PPTC7: variants seen among roughly 807,000 people sequenced by gnomAD.
PPTC7 encodes the protein protein phosphatase PTC7 homolog.
Under a neutral mutation model 30.8 loss-of-function variants are expected in PPTC7, and 6 were observed. The ratio of observed to expected loss-of-function variants is 0.19; its 90% CI spans 0.11 to 0.38. The LOEUF (loss-of-function observed/expected upper bound fraction) is 0.38, where lower values mean the gene tolerates loss of function less well. Among genes scored for constraint, PPTC7 ranks in the 10% least tolerant of loss-of-function variants. The pLI is 1.00. For missense variants in PPTC7, 218 were observed against 404.8 expected (o/e 0.54, Z 3.96); for synonymous variants, 163 against 168.1 (o/e 0.97, Z 0.23).
chr12:110,551,728 G>T, intron 2 of PPTC7, 61 bp downstream of exon 2: 1 of 1,443,438 alleles, frequency 6.9e-7, no homozygotes, highest in Non-Finnish European at 9.5e-7. Context: ...GATTTTCTTG[G>T]TTTTGTTTTT....
At chr12:110,579,931 TA>T (rs2064622876) in intron 1 of PPTC7, among the ~76,000 whole-genome samples, 1 of 151,696 alleles carries the variant, frequency 6.6e-6, no homozygotes, top group Non-Finnish European at 1.5e-5. Context: ...GGGAATCACT[TA>T]AACCCGGGAG....
chr12:110,569,533 C>T (rs953250235), intron 1 of PPTC7, among the ~76,000 whole-genome samples: 12 of 152,088 alleles, frequency 7.9e-5, no homozygotes, highest in Non-Finnish European at 1.8e-4. Context: ...AAGACACAGT[C>T]TCTCTAGAGT....
At chr12:110,540,081 TAAAA>T (rs1234397129) in intron 3 of PPTC7, 136 bp from the exon 4 acceptor site, 3 of 683,404 alleles carry the variant, frequency 4.4e-6, no homozygotes, top group Non-Finnish European at 6.4e-6. Flanking sequence ...AGTCAATTTT[TAAAA>T]AAAGTCATTC....
At chr12:110,563,160 A>G (rs2064453379) in intron 1 of PPTC7, among the ~76,000 whole-genome samples, 1 of 151,722 alleles carries the variant, frequency 6.6e-6, no homozygotes, top group Admixed American at 6.6e-5. Flanking sequence ...AAGAAGAAGA[A>G]AAAAGAAGTT....
At chr12:110,570,997 A>AC (rs1340249315) in intron 1 of PPTC7, among the ~76,000 whole-genome samples, 1 of 152,224 alleles carries the variant, frequency 6.6e-6, no homozygotes, top group Non-Finnish European at 1.5e-5. Context: ...GGGGCAACCC[A>AC]CCCCTACATC....
chr12:110,545,801 A>G, intron 3 of PPTC7, 79 bp downstream of exon 3: 1 of 1,260,774 alleles, frequency 7.9e-7, no homozygotes, highest in Non-Finnish European at 1.2e-6. Context: ...TGCCTACCTC[A>G]CTGCACTCAA....
chr12:110,537,312 AT>A (rs1444757520), intron 5 of PPTC7, among the ~76,000 whole-genome samples: 2 of 152,086 alleles, frequency 1.3e-5, no homozygotes, highest in East Asian at 1.9e-4. Context: ...AAAAAAAAAA[AT>A]CTTCCCTGCT....
intron 1 of PPTC7, among the ~76,000 whole-genome samples, chr12:110,571,055 G>A (rs1259396447): frequency 6.6e-5 from 10 of 152,266 alleles, no homozygotes; most frequent in East Asian, 1.9e-4. Context: ...ACGCTCGAGC[G>A]TGGTCATTGA....
chr12:110,559,912 G>A (rs1217250331), intron 1 of PPTC7, among the ~76,000 whole-genome samples: 1 of 151,906 alleles, frequency 6.6e-6, no homozygotes, highest in Non-Finnish European at 1.5e-5. Flanking sequence ...ATTTTTTGTA[G>A]GGATGGGTCC....
chr12:110,542,661 G>A (rs1398601710), intron 3 of PPTC7, among the ~76,000 whole-genome samples: 9 of 121,750 alleles, frequency 7.4e-5, no homozygotes, highest in Admixed American at 3.1e-4. Flanking sequence ...GCAGCAGAGC[G>A]AGACTCTGTC....
intron 1 of PPTC7, among the ~76,000 whole-genome samples, chr12:110,577,663 C>G (rs2064600977): frequency 1.3e-5 from 2 of 152,168 alleles, no homozygotes; most frequent in Admixed American, 1.3e-4. Flanking sequence ...CGATCAAAAT[C>G]AGATCCAAAG....
chr12:110,581,239 C>T (rs563377448), intron 1 of PPTC7, among the ~76,000 whole-genome samples: 1 of 152,190 alleles, frequency 6.6e-6, no homozygotes, highest in South Asian at 2.1e-4. Context: ...CACAGTGAAA[C>T]CCCATCTCTA....
intron 1 of PPTC7, among the ~76,000 whole-genome samples, chr12:110,571,586 A>G (rs1378062120): frequency 1.3e-5 from 2 of 152,232 alleles, no homozygotes; most frequent in Admixed American, 6.5e-5. Flanking sequence ...ATAAATACTC[A>G]TGTATAGAAT....
chr12:110,572,536 T>C (rs918308969), intron 1 of PPTC7, among the ~76,000 whole-genome samples: 3 of 152,240 alleles, frequency 2.0e-5, no homozygotes, highest in African/African-American at 2.4e-5. Context: ...TGTTAATGAA[T>C]ACGAGAACAG....
intron 2 of PPTC7, among the ~76,000 whole-genome samples, chr12:110,547,639 A>AT (rs1448341169): frequency 3.3e-5 from 5 of 152,152 alleles, no homozygotes; most frequent in African/African-American, 1.2e-4. Flanking sequence ...CTAGAAGTCA[A>AT]TTTTTTTAAA....
At chr12:110,537,894 G>A (rs1243582116) in intron 5 of PPTC7, among the ~76,000 whole-genome samples, 2 of 152,194 alleles carry the variant, frequency 1.3e-5, no homozygotes, top group Non-Finnish European at 2.9e-5. Flanking sequence ...TTGCGGTGGC[G>A]GCAATAAAGG....
At chr12:110,551,552 G>A (rs2064349703) in intron 2 of PPTC7, among the ~76,000 whole-genome samples, 1 of 152,080 alleles carries the variant, frequency 6.6e-6, no homozygotes, top group Non-Finnish European at 1.5e-5. Flanking sequence ...TCTCTATGTT[G>A]GTCAGGCTGG....
chr12:110,534,134 T>G lies in PPTC7; in HGVS notation c.*2903A>C, dbSNP rs2064199370. On this transcript the variant is annotated 3_prime_UTR_variant, in exon 6 of 6. Transcript: ENST00000354300. ...TCTCCATTTGGTAAATTTTTTTTTTTTTTGTGCGCAGGCAGCTTAAGTTCA... is the reference window on the plus strand; with the variant it reads ...TCTCCATTTGGTAAATTTTTTTTTTGTTTGTGCGCAGGCAGCTTAAGTTCA... The G allele has an allele frequency of 6.6e-6, 1 of 152,166 alleles. No homozygotes were observed. Among genetic ancestry groups the G allele is most frequent in the African/African-American group, 2.4e-5 (1 of 41,436 alleles). 9.4% of individuals were successfully genotyped at this position (152,166 alleles called of 1,614,324 possible).
Position 110,560,274 on chromosome 12 carries a change from C to G in PPTC7, c.224-8306G>C, listed in dbSNP as rs180687996. Reference sequence around the variant, plus strand: ...AATCAGCCAGGGATGGTGGCACACACCTGTAGTTCCAGCTAAACAGGAGGC... The same window carrying G: ...AATCAGCCAGGGATGGTGGCACACAGCTGTAGTTCCAGCTAAACAGGAGGC... On this transcript the variant is annotated intron_variant, in intron 1 of 5. Coordinates refer to ENST00000354300, the MANE Select transcript of PPTC7 (RefSeq NM_139283.2). 5.3e-5 allele frequency among the ~76,000 whole-genome samples: 8 copies of G among 152,120 alleles called. 1 individual carries two copies. Among genetic ancestry groups the G allele is most frequent in the Admixed American group, 4.6e-4 (7 of 15,256 alleles).
Sources: allele counts gnomAD v4.1 joint callset (sites outside exome capture counted in the v4.1 genomes callset), GRCh38; gene constraint gnomAD v4.1.1; transcripts MANE v1.5; gene names NCBI Gene and HGNC (gene_info 2026-07-23, HGNC 2026-07-21).